The following SCOC variants were observed in gnomAD, a reference collection of about 807,000 sequenced individuals.
SCOC encodes the protein short coiled-coil protein.
In SCOC, 7 loss-of-function variants were observed where a neutral mutation model predicts 9.9. That is an observed-to-expected ratio of 0.71 (90% CI 0.40 to 1.33). The LOEUF (loss-of-function observed/expected upper bound fraction) is 1.33, where lower values mean the gene tolerates loss of function less well. Ranked by LOEUF, SCOC falls within the 40% of genes most tolerant of loss-of-function variation. The probability of loss-of-function intolerance (pLI) is 0.01; values close to 1 mark genes in which losing one functional copy is unlikely to be tolerated. For synonymous variants in SCOC, 19 were observed against 28.2 expected (o/e 0.67, Z 1.03); for missense variants, 66 against 89.7 (o/e 0.74, Z 1.07).
At chr4:140,360,990 G>A (rs1031996424) in intron 2 of SCOC, 5 of 151,624 alleles carry the variant, frequency 3.3e-5, no homozygotes, top group Admixed American at 3.3e-4. Flanking sequence ...TAAAGAAGGA[G>A]GAAGAAAAAT....
intron 1 of SCOC, among the ~76,000 whole-genome samples, chr4:140,269,434 T>C (rs778883969): frequency 3.9e-5 from 6 of 151,990 alleles, no homozygotes; most frequent in Non-Finnish European, 8.8e-5. Context: ...AGCCACTACA[T>C]TGGAAAGGTC....
At chr4:140,268,246 A>G (rs551280030) in intron 1 of SCOC, among the ~76,000 whole-genome samples, 1 of 152,230 alleles carries the variant, frequency 6.6e-6, no homozygotes, top group African/African-American at 2.4e-5. Flanking sequence ...CTTGGGCCCC[A>G]TATAACGTTT....
At chr4:140,327,927 A>G (rs568968768) in intron 1 of SCOC, among the ~76,000 whole-genome samples, 7 of 152,264 alleles carry the variant, frequency 4.6e-5, no homozygotes, top group Admixed American at 3.3e-4. Context: ...GGGCAGCTCA[A>G]AGGACAAGAT....
chr4:140,370,353 C>A (rs534055874), upstream of SCOC, among the ~76,000 whole-genome samples: 2 of 152,190 alleles, frequency 1.3e-5, no homozygotes, highest in Non-Finnish European at 2.9e-5. Flanking sequence ...GTGCAATGTT[C>A]TACAAATGTC....
At chr4:140,273,364 C>A (rs565244980) in intron 1 of SCOC, among the ~76,000 whole-genome samples, 1 of 152,292 alleles carries the variant, frequency 6.6e-6, no homozygotes, top group South Asian at 2.1e-4. Flanking sequence ...CCTCTAAATT[C>A]ATATCCTTAG....
upstream of SCOC, chr4:140,373,413 T>C: frequency 6.7e-7 from 1 of 1,498,654 alleles, no homozygotes; most frequent in Non-Finnish European, 8.9e-7. Context: ...TGTCATTGGC[T>C]GTCGCTGTTC....
At chr4:140,366,479 GCTT>G (rs1465863193) in intron 2 of SCOC, 1 of 1,557,524 alleles carries the variant, frequency 6.4e-7, no homozygotes, top group East Asian at 2.2e-5. Context: ...GCCTTTTGAA[GCTT>G]CTTAACTTCA....
chr4:140,350,956 G>A (rs1726947890), intron 2 of SCOC, among the ~76,000 whole-genome samples: 1 of 151,954 alleles, frequency 6.6e-6, no homozygotes, highest in African/African-American at 2.4e-5. Flanking sequence ...TTGGGAGGCT[G>A]AGGCCGGCAG....
intron 1 of SCOC, among the ~76,000 whole-genome samples, chr4:140,328,883 G>T (rs184283528): frequency 1.4e-4 from 22 of 152,226 alleles, no homozygotes; most frequent in East Asian, 1.4e-3. Flanking sequence ...AAATCTGTAT[G>T]CACTTTGAAC....
chr4:140,294,272 TCA>T (rs1453573703), intron 1 of SCOC, among the ~76,000 whole-genome samples: 1 of 152,156 alleles, frequency 6.6e-6, no homozygotes, highest in Non-Finnish European at 1.5e-5. Flanking sequence ...TAAGGTAGTG[TCA>T]CTACCAAGGA....
At chr4:140,271,074 G>T (rs185420352) in intron 1 of SCOC, among the ~76,000 whole-genome samples, 92 of 152,286 alleles carry the variant, frequency 6.0e-4, no homozygotes, top group Non-Finnish European at 1.1e-3. Context: ...GAGCAAATGA[G>T]GATGCTGAGT....
At chr4:140,258,164 T>G (rs1000911345) in intron 1 of SCOC, among the ~76,000 whole-genome samples, 1 of 152,182 alleles carries the variant, frequency 6.6e-6, no homozygotes, top group Admixed American at 6.5e-5. Flanking sequence ...TGAGCTCCAT[T>G]GAGTCTTTCT....
upstream of SCOC, among the ~76,000 whole-genome samples, chr4:140,370,153 C>A (rs1052037727): frequency 6.6e-6 from 1 of 152,038 alleles, no homozygotes; most frequent in Non-Finnish European, 1.5e-5. Context: ...AGTTTGATTT[C>A]CAACTATTTG....
intron 2 of SCOC, among the ~76,000 whole-genome samples, chr4:140,348,754 G>A (rs1330060540): frequency 6.6e-6 from 1 of 150,634 alleles, no homozygotes; most frequent in East Asian, 2.0e-4. Flanking sequence ...TGGATCATAT[G>A]GTAGTTCCAG....
chr4:140,383,018 A>C lies in SCOC; in HGVS notation c.*1914A>C, dbSNP rs1236618808. ...CACTCTAGTTATTCTTCTAATTTGC[A>C]GAAAAAGAACATGGAAGTGTACATA... On this transcript the variant is annotated 3_prime_UTR_variant, in exon 4 of 4. Coordinates refer to ENST00000608372, the MANE Select transcript of SCOC (RefSeq NM_001153484.2). 2.0e-5 allele frequency: 3 copies of C among 152,238 alleles called. No homozygotes were observed. Among genetic ancestry groups the C allele is most frequent in the African/African-American group, 7.2e-5 (3 of 41,468 alleles). 9.4% of individuals were successfully genotyped at this position (152,238 alleles called of 1,614,324 possible). A position where few individuals can be genotyped will look rare whatever the true frequency, so the allele number is the denominator to read the frequency against.
At chr4:140,266,291 G>C (rs544990740) in intron 1 of SCOC, among the ~76,000 whole-genome samples, 202 of 152,290 alleles carry the variant, frequency 1.3e-3, no homozygotes, top group African/African-American at 4.5e-3. Flanking sequence ...TTGGGCTGCT[G>C]TAACAAAAAT....
chr4:140,295,564 A>T (rs1051823618), intron 1 of SCOC, among the ~76,000 whole-genome samples: 1 of 152,216 alleles, frequency 6.6e-6, no homozygotes, highest in Admixed American at 6.5e-5. Flanking sequence ...CAAGGAGAGA[A>T]GTGAGACGGC....
intron 1 of SCOC, among the ~76,000 whole-genome samples, chr4:140,303,726 G>A (rs955246473): frequency 1.3e-5 from 2 of 152,142 alleles, no homozygotes; most frequent in African/African-American, 2.4e-5. Context: ...TTTGGGAAAC[G>A]CCTGTGCAAA....
At chr4:140,370,555 C>T (rs1430098566), upstream of SCOC, among the ~76,000 whole-genome samples, 1 of 152,138 alleles carries the variant, frequency 6.6e-6, no homozygotes, top group Admixed American at 6.5e-5. Context: ...CCAGGTGATT[C>T]TAATATACTG....
Sources: allele counts gnomAD v4.1 joint callset (sites outside exome capture counted in the v4.1 genomes callset), GRCh38; gene constraint gnomAD v4.1.1; transcripts MANE v1.5; gene names NCBI Gene and HGNC (gene_info 2026-07-23, HGNC 2026-07-21).